CUL1: variants seen among roughly 807,000 people sequenced by gnomAD.
The protein encoded by CUL1 is cullin-1.
Under a neutral mutation model 118.0 loss-of-function variants are expected in CUL1, and 24 were observed. The ratio of observed to expected loss-of-function variants is 0.20; its 90% CI spans 0.15 to 0.29. CUL1 has a LOEUF of 0.29. Among genes scored for constraint, CUL1 ranks in the 10% least tolerant of loss-of-function variants. The pLI, the probability that CUL1 is intolerant of heterozygous loss-of-function variation, is 1.00. For missense variants in CUL1, 361 were observed against 933.8 expected (o/e 0.39, Z 7.99); for synonymous variants, 332 against 340.4 (o/e 0.98, Z 0.27).
At chr7:148,722,994 G>C (rs1019971906) in intron 1 of CUL1, among the ~76,000 whole-genome samples, 2 of 152,206 alleles carry the variant, frequency 1.3e-5, no homozygotes, top group Non-Finnish European at 2.9e-5. Context: ...CTCCCCACCT[G>C]TTCCAGTTAG....
At chr7:148,774,894 C>G (rs1330973364) in intron 9 of CUL1, among the ~76,000 whole-genome samples, 1 of 152,206 alleles carries the variant, frequency 6.6e-6, no homozygotes, top group Non-Finnish European at 1.5e-5. Context: ...CTCTCAGTAG[C>G]TGGCTCCAGG....
Position 148,786,546 on chromosome 7 carries a change from T to G in CUL1, c.1299-5T>G, listed in dbSNP as rs1365776861. 6.2e-7 allele frequency: 1 copy of G among 1,612,668 alleles called. No individual in the cohort carries two copies. The highest frequency in any genetic ancestry group is 1.3e-5 in the African/African-American group (1 of 74,866). On this transcript the variant is annotated splice_polypyrimidine_tract_variant and splice_region_variant and intron_variant, in intron 11 of 21. Coordinates refer to ENST00000325222, the MANE Select transcript of CUL1 (RefSeq NM_003592.3). ...TAAAACATGGTATCTTTTTAAAATT[T>G]TCAGTTCCAAGAACCCAGAGGAGGC...
intron 14 of CUL1, among the ~76,000 whole-genome samples, 185 bp downstream of exon 14, chr7:148,788,859 C>T (rs1353294959): frequency 1.3e-5 from 2 of 152,222 alleles, no homozygotes; most frequent in Non-Finnish European, 2.9e-5. Flanking sequence ...TAGGAGATGA[C>T]AACCCTTGAA....
intron 1 of CUL1, among the ~76,000 whole-genome samples, chr7:148,723,505 CAGAT>C (rs1391118528): frequency 1.2e-4 from 19 of 152,138 alleles, no homozygotes; most frequent in African/African-American, 4.1e-4. Flanking sequence ...TCATATTTAT[CAGAT>C]AGGTACATAC....
At chr7:148,771,169 C>G (rs1800198630) in intron 9 of CUL1, among the ~76,000 whole-genome samples, 1 of 152,016 alleles carries the variant, frequency 6.6e-6, no homozygotes, top group Non-Finnish European at 1.5e-5. Context: ...TGAAGCTGTT[C>G]TTGATGAAAT....
intron 7 of CUL1, among the ~76,000 whole-genome samples, chr7:148,765,939 A>G (rs1316825190): frequency 6.6e-6 from 1 of 152,216 alleles, no homozygotes; most frequent in African/African-American, 2.4e-5. Flanking sequence ...CATTACCTCA[A>G]AAAGATAAAA....
chr7:148,783,613 A>T (rs771812688), intron 9 of CUL1, 170 bp from the exon 10 acceptor site: 2 of 1,530,624 alleles, frequency 1.3e-6, no homozygotes, highest in South Asian at 2.4e-5. Context: ...AAAATGTCCT[A>T]TGTGTTTCAA....
chr7:148,704,194 G>T (rs1797812145), intron 1 of CUL1, among the ~76,000 whole-genome samples: 1 of 143,908 alleles, frequency 6.9e-6, no homozygotes, highest in African/African-American at 2.6e-5. Flanking sequence ...GGGCAAACTG[G>T]TAATTTATAA....
At chr7:148,715,120 A>G (rs180727525) in intron 1 of CUL1, among the ~76,000 whole-genome samples, 6 of 152,346 alleles carry the variant, frequency 3.9e-5, no homozygotes, top group African/African-American at 1.4e-4. Flanking sequence ...TGGCTTTAGA[A>G]TTTAAAAGGA....
At chr7:148,792,980 C>T (rs1801068093) in intron 17 of CUL1, among the ~76,000 whole-genome samples, 162 bp downstream of exon 17, 1 of 152,168 alleles carries the variant, frequency 6.6e-6, no homozygotes, top group Non-Finnish European at 1.5e-5. Context: ...TTAATACGCA[C>T]TACAAAAAGC....
chr7:148,800,621 T>A lies in CUL1; in HGVS notation c.*39T>A. 6.8e-7 allele frequency: 1 copy of A among 1,480,046 alleles called. No individual in the cohort carries two copies. Among genetic ancestry groups the A allele is most frequent in the Non-Finnish European group, 9.4e-7 (1 of 1,063,492 alleles). The allele number at this position is 1,480,046 out of a possible 1,614,324, so 91.7% of individuals were successfully genotyped here. ...GTCTGACTGTGTGACCCGCAGCAAA[T>A]AGTTCATGTTGGAAAGAATGAAAAC... is the stretch of plus-strand genomic sequence containing the variant. On this transcript the variant is annotated 3_prime_UTR_variant, in exon 22 of 22. Transcript: ENST00000325222. This position sits in a 1 kb window ranked among gnomAD's most constrained non-coding sequence, Gnocchi z 4.6.
chr7:148,767,396 G>A (rs948820042), intron 8 of CUL1, among the ~76,000 whole-genome samples: 9 of 151,062 alleles, frequency 6.0e-5, no homozygotes, highest in African/African-American at 2.2e-4. Flanking sequence ...ATTTACAATA[G>A]TAAATTTATA....
At chr7:148,775,902 C>CT (rs1800379328) in intron 9 of CUL1, among the ~76,000 whole-genome samples, 1 of 151,646 alleles carries the variant, frequency 6.6e-6, no homozygotes, top group Non-Finnish European at 1.5e-5. Flanking sequence ...CGGTAATGGC[C>CT]TGTAAGTACC....
intron 9 of CUL1, among the ~76,000 whole-genome samples, chr7:148,776,306 G>GTTTTTTTTTTTTTTT (rs1563166099): frequency 2.9e-5 from 1 of 33,958 alleles, no homozygotes; most frequent in Non-Finnish European, 5.7e-5. Flanking sequence ...ACATAACCAG[G>GTTTTTTTTTTTTTTT]CTTTTTTTTT....
chr7:148,777,485 CAG>C lies in CUL1; in HGVS notation c.1084-6297_1084-6296del, dbSNP rs1800440204. 1.3e-5 allele frequency among the ~76,000 whole-genome samples: 2 copies of C among 152,074 alleles called. 1 individual carries two copies. Among genetic ancestry groups the C allele is most frequent in the South Asian group, 4.1e-4 (2 of 4,826 alleles). On this transcript the variant is annotated intron_variant, in intron 9 of 21. Transcript: ENST00000325222. Reference sequence around the variant, plus strand: ...GATGAAGTAGTCCATAGATGTCAACCAGTGGTTTATTATTAGTCATGTGAGTC... The same window carrying C: ...GATGAAGTAGTCCATAGATGTCAACCTGGTTTATTATTAGTCATGTGAGTC...
chr7:148,748,343 G>A (rs1018218703), intron 2 of CUL1, among the ~76,000 whole-genome samples: 3 of 151,812 alleles, frequency 2.0e-5, no homozygotes, highest in Admixed American at 2.0e-4. Context: ...AAAATAAAGG[G>A]CTGGAACAAA....
chr7:148,699,010 G>T lies in CUL1; in HGVS notation c.-181G>T. 6.5e-6 allele frequency: 1 copy of T among 154,506 alleles called. No individual in the cohort carries two copies. The highest frequency in any genetic ancestry group is 1.8e-4 in the South Asian group (1 of 5,656). 9.6% of individuals were successfully genotyped at this position (154,506 alleles called of 1,614,324 possible). Reference sequence around the variant, plus strand: ...AGGCGGAGGCGTCGCGGGAGCCTTTGGGGCACCACAGAGATGCGGGTGAGT... The same window carrying T: ...AGGCGGAGGCGTCGCGGGAGCCTTTTGGGCACCACAGAGATGCGGGTGAGT... On this transcript the variant is annotated 5_prime_UTR_variant, in exon 1 of 22. Coordinates refer to ENST00000325222, the MANE Select transcript of CUL1 (RefSeq NM_003592.3).
chr7:148,767,220 A>G (rs774247702), intron 8 of CUL1, among the ~76,000 whole-genome samples: 12 of 152,190 alleles, frequency 7.9e-5, no homozygotes, highest in Non-Finnish European at 1.5e-4. Flanking sequence ...TATTCTCCTT[A>G]AATGTATTCA....
intron 1 of CUL1, among the ~76,000 whole-genome samples, chr7:148,706,364 T>G (rs1395410489): frequency 6.6e-6 from 1 of 152,100 alleles, no homozygotes; most frequent in Non-Finnish European, 1.5e-5. Context: ...TGGAGATACC[T>G]CAAATGGGAC....
Sources: allele counts gnomAD v4.1 joint callset (sites outside exome capture counted in the v4.1 genomes callset), GRCh38; gene constraint gnomAD v4.1.1; non-coding constraint Gnocchi (gnomAD v3.1); transcripts MANE v1.5; gene names NCBI Gene and HGNC (gene_info 2026-07-23, HGNC 2026-07-21).